TTN: variants seen among roughly 807,000 people sequenced by gnomAD.
TTN encodes the protein connectin.
A neutral mutation model predicts 3,223.0 loss-of-function variants in TTN; 1,525 were observed. The observed-to-expected ratio is 0.47, with a 90% confidence interval of 0.45 to 0.49. The LOEUF (loss-of-function observed/expected upper bound fraction) is 0.49, where lower values mean the gene tolerates loss of function less well. Ranked by LOEUF, TTN falls within the 20% of genes least tolerant of loss-of-function variation. TTN has a pLI of 0.00. For missense variants in TTN, 40,786 were observed against 43,424.0 expected, an observed-to-expected ratio of 0.94 and a Z score of 5.40; for synonymous variants, 14,094 against 15,161.0, an observed-to-expected ratio of 0.93 and a Z score of 5.17.
chr2:178,552,805 GCTGGTACTTCAGCAGCCTTCA>G lies in TTN; in HGVS notation c.90074_90094del (p.Val30025_Pro30031del). ...TTTCATTGAGAGATCACGTATAGGA[GCTGGTACTTCAGCAGCCTTCA>G]CTGGCTCTGTAGTTTCACAGGGTTC... On this transcript the variant is annotated inframe_deletion, in exon 335 of 363. Coordinates refer to ENST00000589042, the MANE Select transcript of TTN (RefSeq NM_001267550.2). 6.2e-7 allele frequency: 1 copy of G among 1,613,908 alleles called. No homozygotes were observed. The highest frequency in any genetic ancestry group is 8.5e-7 in the Non-Finnish European group (1 of 1,179,836).
At chr2:178,684,877 T>A (rs752885902) in intron 130 of TTN, 29 bp downstream of exon 130, 1 of 1,569,508 alleles carries the variant, frequency 6.4e-7, no homozygotes, top group South Asian at 1.2e-5. Context: ...AAAAAGACAG[T>A]CTTGAGAATA....
Position 178,556,621 on chromosome 2 carries a change from G to A in TTN, c.88306+227C>T, listed in dbSNP as rs1701623223. 18 of 559,688 alleles carry A rather than the reference G, an allele frequency of 3.2e-5. No homozygotes were observed. The South Asian group carries it at 3.6e-4, about 11-fold the overall frequency. The allele number at this position is 559,688 out of a possible 1,614,324, so 34.7% of individuals were successfully genotyped here. On this transcript the variant is annotated intron_variant, in intron 330 of 362. Coordinates refer to ENST00000589042, the MANE Select transcript of TTN (RefSeq NM_001267550.2). ...ATCATAAAAGGTTGAAGTTGGAAAG[G>A]CCCATAGATATCCTGAGGTCTAAAT... is the stretch of plus-strand genomic sequence containing the variant.
rs533088470 is a variant in TTN, at chr2:178,585,277, A to C, written c.64467T>G (p.His21489Gln). Reference protein sequence around the residue: ...KAGKKLRIEAHVYGKPHPTCK... With the variant: ...KAGKKLRIEAQVYGKPHPTCK... ...AGGTGGGATGAGGCTTTCCATACAC[A>C]TGGGCTTCAATTCGGAGTTTTTTCC... The change falls in exon 309 of 363, where the codon CAT becomes CAG. Residue 21489 changes from histidine to glutamine, a missense_variant. Physicochemically the swap from His to Gln is conservative, Grantham distance 24. Coordinates refer to ENST00000589042, the MANE Select transcript of TTN (RefSeq NM_001267550.2). 6.2e-7 allele frequency: 1 copy of C among 1,612,572 alleles called. No individual in the cohort carries two copies. Among genetic ancestry groups the C allele is most frequent in the Admixed American group, 1.7e-5 (1 of 59,874 alleles).
intron 6 of TTN, among the ~76,000 whole-genome samples, chr2:178,798,098 G>T (rs1014609845): frequency 6.6e-6 from 1 of 151,778 alleles, no homozygotes; most frequent in East Asian, 1.9e-4. Context: ...TCTCTGTTTT[G>T]TTCCCCTGGT....
In TTN at chr2:178,709,146, G is replaced by A. The variant is rs73038330; in HGVS notation, c.28753+420C>T. On this transcript the variant is annotated intron_variant, in intron 99 of 362. Transcript: ENST00000589042. ...CAATAATCCTTTAGAAATACACTTG[G>A]AAAGGAGAAAGTTTCAGACTGTGAT... is the stretch of plus-strand genomic sequence containing the variant. Among the ~76,000 whole-genome samples the A allele has an allele frequency of 2.7e-3, 411 of 152,172 alleles. 1 individual carries two copies. Among genetic ancestry groups the A allele is most frequent in the African/African-American group, 9.4e-3 (392 of 41,516 alleles).
rs1205174155 is a variant in TTN, at chr2:178,774,066, A to C, written c.7102T>G (p.Cys2368Gly). The change falls in exon 31 of 363, where the codon TGT becomes GGT. Residue 2368 changes from cysteine (C) to glycine (G), a missense_variant. Cys to Gly is a radical substitution (Grantham distance 159). Coordinates refer to ENST00000589042, the MANE Select transcript of TTN (RefSeq NM_001267550.2). ...ILQGLSDQKV[C>G]EGDIVQLEVK... ...TCAAGCTGAACAATGTCACCCTCAC[A>C]GACTTTTTGGTCACTAAGTCCTTGT... 6.2e-7 allele frequency: 1 copy of C among 1,614,086 alleles called. No homozygotes were observed. The highest frequency in any genetic ancestry group is 2.2e-5 in the East Asian group (1 of 44,878).
Position 178,768,801 on chromosome 2 carries a change from T to C in TTN, c.9035A>G (p.Asp3012Gly), listed in dbSNP as rs2090980591. The change falls in exon 38 of 363, where the codon GAC becomes GGC. Residue 3012 changes from aspartate (D) to glycine (G), a missense_variant. Physicochemically the swap from Asp to Gly is moderately conservative, Grantham distance 94. Transcript: ENST00000589042. ...CTTTTTGGTTCTCATCTGGCACTTG[T>C]CAGTTGATTTGATTTCCACACCATT... ...LKNGVEIKST[D>G]KCQMRTKKLT... 4 of 1,613,984 alleles carry C rather than the reference T, an allele frequency of 2.5e-6. No homozygotes were observed. Among genetic ancestry groups the C allele is most frequent in the Admixed American group, 3.3e-5 (2 of 59,990 alleles).
rs2069284978 is a variant in TTN at position 178,681,120 on chromosome 2, G to C, written c.33299C>G (p.Thr11100Ser). The stretch of plus-strand genomic sequence containing the variant: ...AGTCACCTGCTCTTTTTCACGTTTG[G>C]TAATTGAAATACGTATTTTTTCCTC... Reference protein sequence around the residue: ...VFEEKIRISITKREKEQVTEP... With the variant: ...VFEEKIRISISKREKEQVTEP... The change falls in exon 138 of 363, where the codon ACC becomes AGC. Residue 11100 changes from threonine (T) to serine (S), a missense_variant. By Grantham distance (58) the Thr-to-Ser change is moderately conservative. Coordinates refer to ENST00000589042, the MANE Select transcript of TTN (RefSeq NM_001267550.2). 1 of 1,604,238 alleles carries C rather than the reference G, an allele frequency of 6.2e-7. No homozygotes were observed. The highest frequency in any genetic ancestry group is 1.1e-5 in the South Asian group (1 of 87,910).
At chr2:178,745,542 C>T (rs1391585992) in intron 47 of TTN, 1 of 1,608,232 alleles carries the variant, frequency 6.2e-7, no homozygotes, top group South Asian at 1.1e-5. Flanking sequence ...TGAAAGCACT[C>T]AGATCAATGC....
intron 362 of TTN, 57 bp from the exon 363 acceptor site, chr2:178,527,364 T>C: frequency 1.3e-6 from 2 of 1,561,984 alleles, no homozygotes; most frequent in Non-Finnish European, 1.7e-6. Flanking sequence ...AATAAAGATT[T>C]GCTTTCTACT....
rs1184403397 is a variant in TTN at position 178,591,740 on chromosome 2, A to G, written c.60079T>C (p.Phe20027Leu). ...CACTCTAAGTTTGTCACAGTCTTAA[A>G]TTTAATCCAGTCCTGGGTGCCTTCT... ...QEEGTQDWIK[F>L]KTVTNLECVV... The change falls in exon 303 of 363, where the codon TTT becomes CTT. Residue 20027 changes from phenylalanine (F) to leucine (L), a missense_variant. Phe to Leu is a conservative substitution (Grantham distance 22). Transcript: ENST00000589042. 3.1e-6 allele frequency: 5 copies of G among 1,613,232 alleles called. No homozygotes were observed. Among genetic ancestry groups the G allele is most frequent in the Non-Finnish European group, 3.4e-6 (4 of 1,179,588 alleles).
chr2:178,630,398 G>A lies in TTN; in HGVS notation c.44155-31C>T, dbSNP rs1441757245. 15 of 1,567,824 alleles carry A rather than the reference G, an allele frequency of 9.6e-6. No individual in the cohort carries two copies. In the East Asian group the frequency reaches 3.4e-4, roughly 36 times the overall value. On this transcript the variant is annotated intron_variant, in intron 238 of 362. Coordinates refer to ENST00000589042, the MANE Select transcript of TTN (RefSeq NM_001267550.2). The stretch of plus-strand genomic sequence containing the variant: ...CCAACAAAACAGAAAAACTTTCATA[G>A]AAAATAATTTTCTTTGAAATTTTGT...
rs752311858 is a variant in TTN, at chr2:178,776,818, C to T, written c.5046G>A (p.Leu1682=). 1.9e-6 allele frequency: 3 copies of T among 1,614,136 alleles called. No homozygotes were observed. In the South Asian group the frequency reaches 3.3e-5, roughly 18 times the overall value. The part of the protein sequence containing the change: ...IAAPELEPLH[L]RYGQEQWEEG... The stretch of plus-strand genomic sequence containing the variant: ...CTTCCCATTGCTCTTGGCCATATCG[C>T]AAATGGAGGGGCTCCAGTTCTGGGG... Residue 1682 remains leucine, a synonymous_variant, in exon 28 of 363, where the codon TTG becomes TTA. Transcript: ENST00000589042.
chr2:178,644,928 C>A, intron 217 of TTN: 1 of 253,608 alleles, frequency 3.9e-6, no homozygotes, highest in Non-Finnish European at 7.5e-6. Context: ...TGTGTGTCTT[C>A]ATGGAGTGTC....
At chr2:178,783,132 AAATGT>A in intron 17 of TTN, 68 bp from the exon 18 acceptor site, 2 of 1,577,776 alleles carry the variant, frequency 1.3e-6, no homozygotes, top group Non-Finnish European at 1.7e-6. Flanking sequence ...GTTTTGTAAC[AAATGT>A]AGAGTTTGAA....
chr2:178,558,832 A>T lies in TTN; in HGVS notation c.86822-195T>A. ...CACAAGCTATGTCATTACATGCTAT[A>T]GCATTCAAATCCAAATTAAGGGTAA... On this transcript the variant is annotated intron_variant, in intron 326 of 362. Coordinates refer to ENST00000589042, the MANE Select transcript of TTN (RefSeq NM_001267550.2). 7 of 571,756 alleles carry T rather than the reference A, an allele frequency of 1.2e-5. No homozygotes were observed. In the South Asian group the frequency reaches 1.5e-4, roughly 12 times the overall value. 35.4% of individuals were successfully genotyped at this position (571,756 alleles called of 1,614,324 possible). A position where few individuals can be genotyped will look rare whatever the true frequency, so the allele number is the denominator to read the frequency against.
rs760548535 is a variant in TTN at position 178,546,141 on chromosome 2, A to C, written c.95120-25T>G. Reference sequence around the variant, plus strand: ...TCTGAAACAGGTGTAATGACAAGCCATGATGAAGATCATTCTTTCTGCCCA... The same window carrying C: ...TCTGAAACAGGTGTAATGACAAGCCCTGATGAAGATCATTCTTTCTGCCCA... On this transcript the variant is annotated intron_variant, in intron 342 of 362. Transcript: ENST00000589042. The C allele has an allele frequency of 1.9e-6, 3 of 1,589,928 alleles. No homozygotes were observed. In the Admixed American group the frequency reaches 5.1e-5, roughly 27 times the overall value.
Position 178,552,250 on chromosome 2 carries a change from A to G in TTN, c.90650T>C (p.Ile30217Thr), listed in dbSNP as rs776252505. ...TGGTGGGCCAAGGGTGATGACTGTA[A>G]TGGGGACTGCAATTCTACACACTGC... ...DNAVCRIAVP[I>T]TVITLGPPSK... Residue 30217 changes from isoleucine to threonine, a missense_variant, in exon 335 of 363, where the codon ATT (isoleucine) becomes ACT (threonine). Physicochemically the swap from Ile to Thr is moderately conservative, Grantham distance 89. Coordinates refer to ENST00000589042, the MANE Select transcript of TTN (RefSeq NM_001267550.2). 1.9e-6 allele frequency: 3 copies of G among 1,613,498 alleles called. No individual in the cohort carries two copies. The highest frequency in any genetic ancestry group is 1.1e-5 in the South Asian group (1 of 91,008).
rs774619016 is a variant in TTN at position 178,550,163 on chromosome 2, T to G, written c.91675A>C (p.Thr30559Pro). The change falls in exon 337 of 363, where the codon ACT becomes CCT. Residue 30559 changes from threonine to proline, a missense_variant. Coordinates refer to ENST00000589042, the MANE Select transcript of TTN (RefSeq NM_001267550.2). ...LVQGRPVPRV[T>P]WFKDGVEIEK... ...ATTTCCACTCCATCTTTGAACCAAG[T>G]TACTCGAGGCACTGGTCTTCCTTGT... 6.2e-7 allele frequency: 1 copy of G among 1,613,804 alleles called. No individual in the cohort carries two copies. The highest frequency in any genetic ancestry group is 8.5e-7 in the Non-Finnish European group (1 of 1,179,742).
Sources: allele counts gnomAD v4.1 joint callset (sites outside exome capture counted in the v4.1 genomes callset), GRCh38; gene constraint gnomAD v4.1.1; transcripts MANE v1.5; gene names NCBI Gene and HGNC (gene_info 2026-07-23, HGNC 2026-07-21).